The following IQSEC1 variants were observed in gnomAD, a reference collection of about 807,000 sequenced individuals.
The protein encoded by IQSEC1 is IQ motif and Sec7 domain ArfGEF 1, also known as IQ motif and SEC7 domain-containing protein 1.
Under a neutral mutation model 91.0 loss-of-function variants are expected in IQSEC1, and 31 were observed. The observed-to-expected ratio is 0.34, with a 90% CI of 0.26 to 0.46. IQSEC1 has a LOEUF of 0.46. IQSEC1 is among the 20% of genes least tolerant of loss of function. The pLI is 1.00. For missense variants in IQSEC1, 1,388 were observed against 1,575.6 expected, an observed-to-expected ratio of 0.88 and a Z score of 2.02; for synonymous variants, 699 against 662.6, an observed-to-expected ratio of 1.05 and a Z score of -0.84.
chr3:12,954,843 G>C (rs1699798215), intron 1 of IQSEC1, among the ~76,000 whole-genome samples: 1 of 152,212 alleles, frequency 6.6e-6, no homozygotes, highest in African/African-American at 2.4e-5. Context: ...TAACACAAAG[G>C]GGTCAGGACA....
At chr3:13,150,288 A>T (rs1013592528) in intron 2 of IQSEC1, among the ~76,000 whole-genome samples, 3 of 152,236 alleles carry the variant, frequency 2.0e-5, no homozygotes, top group African/African-American at 4.8e-5. Context: ...ACACCTGGGA[A>T]GTCCTAAATC....
At chr3:12,932,835 TCAGCTGGGC>T (rs1365952646) in intron 3 of IQSEC1, among the ~76,000 whole-genome samples, 3 of 152,212 alleles carry the variant, frequency 2.0e-5, no homozygotes, top group African/African-American at 4.8e-5. Flanking sequence ...TGTGTGGCTG[TCAGCTGGGC>T]CAGCTGGGAG....
chr3:12,937,355 C>T (rs1698295563), intron 2 of IQSEC1, among the ~76,000 whole-genome samples: 1 of 152,188 alleles, frequency 6.6e-6, no homozygotes, highest in East Asian at 1.9e-4. Context: ...TTTGGAGACC[C>T]TGGAAGAAGT....
chr3:12,985,295 T>A (rs189837916), intron 1 of IQSEC1, among the ~76,000 whole-genome samples: 156 of 152,046 alleles, frequency 1.0e-3, no homozygotes, highest in African/African-American at 3.6e-3. Context: ...CCACACTGAG[T>A]CAGGAGCCCA....
chr3:13,060,601 A>G (rs1439971342), intron 1 of IQSEC1, among the ~76,000 whole-genome samples: 1 of 152,228 alleles, frequency 6.6e-6, no homozygotes, highest in Non-Finnish European at 1.5e-5. Flanking sequence ...CCACCTGCCC[A>G]AGGCTGGATG....
At chr3:12,986,328 G>A (rs938322466) in intron 1 of IQSEC1, among the ~76,000 whole-genome samples, 6 of 152,212 alleles carry the variant, frequency 3.9e-5, no homozygotes, top group Non-Finnish European at 8.8e-5. Context: ...CTGCGCCAGA[G>A]GCAATGTGCC....
intron 2 of IQSEC1, among the ~76,000 whole-genome samples, chr3:13,157,860 T>C (rs971904489): frequency 2.6e-5 from 4 of 152,216 alleles, no homozygotes; most frequent in African/African-American, 9.6e-5. Flanking sequence ...CCTCATTTAA[T>C]TGGTCCATGG....
chr3:13,159,205 G>A (rs868059789), intron 2 of IQSEC1, among the ~76,000 whole-genome samples: 6 of 152,198 alleles, frequency 3.9e-5, no homozygotes, highest in East Asian at 1.9e-4. Context: ...TGAGGCAAGC[G>A]GATTACTTGA....
intron 1 of IQSEC1, among the ~76,000 whole-genome samples, chr3:13,068,159 A>G (rs1194134209): frequency 6.6e-6 from 1 of 152,232 alleles, no homozygotes; most frequent in Non-Finnish European, 1.5e-5. Context: ...GCTGGGGCCA[A>G]TCCAGGCCTT....
At chr3:13,217,453 T>C (rs76731224) in intron 1 of IQSEC1, among the ~76,000 whole-genome samples, 27,488 of 152,154 alleles carry the variant, frequency 0.18, 3,488 homozygotes, top group African/African-American at 0.34. Context: ...GGCTGAGTAG[T>C]AGTCCACTGT....
rs1694623001 is a variant in IQSEC1 at position 13,219,819 on chromosome 3, A to G, written c.273-55686T>C. Among the ~76,000 whole-genome samples, 3 of 152,286 alleles carry G rather than the reference A, an allele frequency of 2.0e-5. No individual in the cohort carries two copies. In the South Asian group the frequency reaches 6.2e-4, roughly 32 times the overall value. On this transcript the variant is annotated intron_variant, in intron 1 of 15. Transcript: ENST00000648114. ...GGGGGTGGCACATCTTCATCCATGG[A>G]CCATCACTTCCCAGCAAGGCCCTGA...
chr3:13,111,179 T>C (rs1015745209), intron 2 of IQSEC1, among the ~76,000 whole-genome samples: 5 of 152,174 alleles, frequency 3.3e-5, no homozygotes, highest in African/African-American at 1.2e-4. Context: ...GAGAGTTCTG[T>C]CCTGACTTAC....
At chr3:12,914,016 G>C (rs776853624) in intron 8 of IQSEC1, among the ~76,000 whole-genome samples, 1 of 152,182 alleles carries the variant, frequency 6.6e-6, no homozygotes, top group Non-Finnish European at 1.5e-5. Flanking sequence ...CAGAAGTAAC[G>C]ACAAAACTAG....
chr3:13,120,708 TAG>T (rs923781016), intron 2 of IQSEC1, among the ~76,000 whole-genome samples: 3 of 151,954 alleles, frequency 2.0e-5, no homozygotes, highest in African/African-American at 7.3e-5. Flanking sequence ...GCTGGCCAGG[TAG>T]AGAGGCAGGA....
chr3:12,984,212 C>T (rs1242425387), intron 1 of IQSEC1, among the ~76,000 whole-genome samples: 2 of 152,168 alleles, frequency 1.3e-5, no homozygotes, highest in South Asian at 2.1e-4. Flanking sequence ...CCTGGGGTTA[C>T]CAGCAGAGTC....
At chr3:13,015,775 T>C (rs1703099213) in intron 1 of IQSEC1, 2 of 973,978 alleles carry the variant, frequency 2.1e-6, no homozygotes, top group South Asian at 9.5e-5. Context: ...CCACCTGCCC[T>C]CCAAAAGGCC....
intron 1 of IQSEC1, among the ~76,000 whole-genome samples, chr3:13,262,757 C>T (rs1244197826): frequency 2.6e-5 from 4 of 152,252 alleles, no homozygotes; most frequent in African/African-American, 9.6e-5. Flanking sequence ...CTGATCCATG[C>T]TGGAACATGG....
At chr3:12,975,579 G>C (rs1304928888) in intron 1 of IQSEC1, among the ~76,000 whole-genome samples, 1 of 152,134 alleles carries the variant, frequency 6.6e-6, no homozygotes, top group Non-Finnish European at 1.5e-5. Context: ...AGGTCCATTT[G>C]GTCCCCAAAC....
intron 2 of IQSEC1, among the ~76,000 whole-genome samples, chr3:13,132,396 A>T (rs1559261532): frequency 6.6e-6 from 1 of 152,192 alleles, no homozygotes; most frequent in Non-Finnish European, 1.5e-5. Context: ...AGCCCAAAAG[A>T]TCCCCAGCCT....
Sources: allele counts gnomAD v4.1 joint callset (sites outside exome capture counted in the v4.1 genomes callset), GRCh38; gene constraint gnomAD v4.1.1; transcripts MANE v1.5; gene names NCBI Gene and HGNC (gene_info 2026-07-23, HGNC 2026-07-21).